RAPGEF6: variants seen among roughly 807,000 people sequenced by gnomAD.
The protein encoded by RAPGEF6 is PDZ domain containing guanine nucleotide exchange factor (GEF) 2.
Under a neutral mutation model 171.4 loss-of-function variants are expected in RAPGEF6, and 56 were observed. The observed-to-expected ratio is 0.33, with a 90% CI of 0.26 to 0.41. The LOEUF (loss-of-function observed/expected upper bound fraction) is 0.41. Among genes scored for constraint, RAPGEF6 ranks in the 10% least tolerant of loss-of-function variants. The probability of loss-of-function intolerance (pLI) is 1.00; values close to 1 mark genes in which losing one functional copy is unlikely to be tolerated. For missense variants in RAPGEF6, 1,674 were observed against 1,921.4 expected, an observed-to-expected ratio of 0.87 and a Z score of 2.41; for synonymous variants, 692 against 650.1, an observed-to-expected ratio of 1.06 and a Z score of -0.98.
In RAPGEF6 at chr5:131,424,112, G is replaced by T. The variant is rs1301248712; in HGVS notation, c.*3154C>A. ...TATCAAAAAATAGGAGACAAACATT[G>T]CTTGTTACAGGATACCTTACAATCA... On this transcript the variant is annotated 3_prime_UTR_variant, in exon 28 of 28. Transcript: ENST00000509018. 1.3e-5 allele frequency: 2 copies of T among 152,288 alleles called. No homozygotes were observed. The highest frequency in any genetic ancestry group is 2.9e-5 in the Non-Finnish European group (2 of 68,024). 9.4% of individuals were successfully genotyped at this position (152,288 alleles called of 1,614,324 possible).
At chr5:131,619,637 C>T (rs1273971458) in intron 1 of RAPGEF6, among the ~76,000 whole-genome samples, 1 of 152,164 alleles carries the variant, frequency 6.6e-6, no homozygotes, top group South Asian at 2.1e-4. Flanking sequence ...CTTTTCTGAT[C>T]CTACCATGCA....
At chr5:131,546,104 C>G (rs942957643) in intron 6 of RAPGEF6, among the ~76,000 whole-genome samples, 1 of 152,076 alleles carries the variant, frequency 6.6e-6, no homozygotes, top group Non-Finnish European at 1.5e-5. Flanking sequence ...GTCTAGGATT[C>G]ATGACAGGAC....
intron 24 of RAPGEF6, among the ~76,000 whole-genome samples, chr5:131,434,952 T>C (rs1751927189): frequency 6.6e-6 from 1 of 152,198 alleles, no homozygotes; most frequent in Non-Finnish European, 1.5e-5. Context: ...TTAGTAGATA[T>C]GTGACCTTTG....
intron 13 of RAPGEF6, among the ~76,000 whole-genome samples, chr5:131,493,042 CATTTATTTATTT>C (rs747528355): frequency 3.3e-5 from 5 of 151,704 alleles, no homozygotes; most frequent in South Asian, 2.1e-4. Flanking sequence ...AATTACCTAT[CATTTATTTATTT>C]ATTTATTTAT....
At chr5:131,497,093 T>A (rs1027148639) in intron 12 of RAPGEF6, among the ~76,000 whole-genome samples, 1 of 152,208 alleles carries the variant, frequency 6.6e-6, no homozygotes, top group Admixed American at 6.5e-5. Flanking sequence ...TGGTATCTCA[T>A]TGAGGTTATG....
chr5:131,552,752 C>T (rs768218698), intron 5 of RAPGEF6, among the ~76,000 whole-genome samples: 1 of 152,034 alleles, frequency 6.6e-6, no homozygotes, highest in Non-Finnish European at 1.5e-5. Flanking sequence ...TGAGCCACCA[C>T]ACCAGGCCAA....
At chr5:131,542,189 TTAATA>T (rs564471738) in intron 6 of RAPGEF6, among the ~76,000 whole-genome samples, 15 of 152,354 alleles carry the variant, frequency 9.8e-5, no homozygotes, top group African/African-American at 3.6e-4. Flanking sequence ...TATATTTACT[TTAATA>T]TATTTACATA....
chr5:131,601,334 A>G (rs1764243117), intron 3 of RAPGEF6, among the ~76,000 whole-genome samples: 1 of 151,392 alleles, frequency 6.6e-6, no homozygotes, highest in Non-Finnish European at 1.5e-5. Flanking sequence ...GCAGTGAGCC[A>G]AGGTCACACC....
chr5:131,561,799 G>T (rs900436325), intron 5 of RAPGEF6, among the ~76,000 whole-genome samples, 179 bp downstream of exon 5: 1 of 151,878 alleles, frequency 6.6e-6, no homozygotes, highest in Admixed American at 6.6e-5. Flanking sequence ...CTCTCTTGAG[G>T]ATCAAAAAAA....
chr5:131,433,083 C>T (rs543340007), intron 25 of RAPGEF6, among the ~76,000 whole-genome samples: 2 of 152,078 alleles, frequency 1.3e-5, no homozygotes, highest in Admixed American at 6.5e-5. Flanking sequence ...GCACAGCACT[C>T]GAGGCACTTT....
chr5:131,476,814 G>T (rs2149853054), intron 16 of RAPGEF6, among the ~76,000 whole-genome samples: 1 of 152,340 alleles, frequency 6.6e-6, no homozygotes, highest in South Asian at 2.1e-4. Flanking sequence ...TAACAGGCGT[G>T]AGGCACCGTG....
intron 5 of RAPGEF6, 132 bp from the exon 6 acceptor site, chr5:131,548,322 G>T: frequency 1.2e-6 from 1 of 800,164 alleles, no homozygotes; most frequent in Non-Finnish European, 1.9e-6. Flanking sequence ...AAAACAGTCT[G>T]TATAGCACAA....
At chr5:131,606,799 C>A (rs1406699834) in intron 1 of RAPGEF6, among the ~76,000 whole-genome samples, 1 of 152,198 alleles carries the variant, frequency 6.6e-6, no homozygotes, top group Non-Finnish European at 1.5e-5. Context: ...GAAGCTCCAG[C>A]TAGCCTTAGG....
intron 9 of RAPGEF6, among the ~76,000 whole-genome samples, chr5:131,506,463 T>C (rs1757377751): frequency 1.3e-5 from 2 of 152,168 alleles, no homozygotes; most frequent in South Asian, 4.1e-4. Context: ...CTACTATATA[T>C]CAGTGAAAGA....
At chr5:131,519,740 T>A (rs1300424692) in intron 7 of RAPGEF6, among the ~76,000 whole-genome samples, 1 of 152,208 alleles carries the variant, frequency 6.6e-6, no homozygotes, top group East Asian at 1.9e-4. Context: ...CTGAGAGAAA[T>A]CTACAGCCAC....
intron 1 of RAPGEF6, among the ~76,000 whole-genome samples, chr5:131,613,239 T>C (rs1383354901): frequency 6.6e-6 from 1 of 152,084 alleles, no homozygotes. Context: ...TGAAACCCCG[T>C]CTCTACTAAA....
At chr5:131,466,095 CAAAAAAAAAA>C (rs769107975) in intron 17 of RAPGEF6, among the ~76,000 whole-genome samples, 1 of 50,892 alleles carries the variant, frequency 2.0e-5, no homozygotes, top group Admixed American at 2.0e-4. Context: ...GACTGAGGAC[CAAAAAAAAAA>C]AAAAAAAAAG....
chr5:131,528,257 T>C (rs1450881560), intron 6 of RAPGEF6, among the ~76,000 whole-genome samples: 1 of 123,532 alleles, frequency 8.1e-6, no homozygotes, highest in Non-Finnish European at 1.6e-5. Context: ...ATAAATAAAA[T>C]AAAATAATAT....
Position 131,442,433 on chromosome 5 carries a change from G to A in RAPGEF6, c.3526C>T (p.His1176Tyr), listed in dbSNP as rs1351173145. 1 of 1,614,156 alleles carries A rather than the reference G, an allele frequency of 6.2e-7. No individual in the cohort carries two copies. Among genetic ancestry groups the A allele is most frequent in the Non-Finnish European group, 8.5e-7 (1 of 1,180,020 alleles). ...ACCTGAAGCACCTGGCTTACTCTGT[G>A]GGGTTGATGCAAGTGGGCTTTAGTT... ...QTTKAHLHQP[H>Y]RVSQVLQVPA... Residue 1176 changes from histidine to tyrosine, a missense_variant, in exon 23 of 28, where the codon CAC becomes TAC. By Grantham distance (83) the His-to-Tyr change is moderately conservative. Transcript: ENST00000509018.
Sources: gnomAD v4.1 joint callset for allele counts (sites outside exome capture counted in the v4.1 genomes callset) on GRCh38, gnomAD v4.1.1 for gene constraint, MANE v1.5 for transcripts, NCBI Gene and HGNC (gene_info 2026-07-23, HGNC 2026-07-21) for gene names.